Variants in SH3GL2 observed in about 807,000 individuals in gnomAD.
SH3GL2 encodes the protein endophilin-A1.
A neutral mutation model predicts 46.0 loss-of-function variants in SH3GL2; 24 were observed. The observed-to-expected ratio is 0.52, with a 90% CI of 0.38 to 0.73. The LOEUF is 0.73. SH3GL2 is among the 30% of genes least tolerant of loss of function. The probability of loss-of-function intolerance (pLI) is 0.00; values close to 1 mark genes in which losing one functional copy is unlikely to be tolerated. For missense variants in SH3GL2, 413 were observed against 424.2 expected, an observed-to-expected ratio of 0.97 and a Z score of 0.23; for synonymous variants, 196 against 147.1, an observed-to-expected ratio of 1.33 and a Z score of -2.40.
At chr9:17,610,092 T>C (rs1818832177) in intron 1 of SH3GL2, among the ~76,000 whole-genome samples, 1 of 152,238 alleles carries the variant, frequency 6.6e-6, no homozygotes, top group Non-Finnish European at 1.5e-5. Flanking sequence ...TCTGTGAGTC[T>C]GGATTTGAAT....
At chr9:17,629,110 A>C (rs1819362015) in intron 1 of SH3GL2, among the ~76,000 whole-genome samples, 1 of 151,568 alleles carries the variant, frequency 6.6e-6, no homozygotes, top group Non-Finnish European at 1.5e-5. Flanking sequence ...GATTGCGTGG[A>C]GTTTGGTTGG....
intron 1 of SH3GL2, among the ~76,000 whole-genome samples, chr9:17,606,159 C>G (rs1818757635): frequency 6.6e-6 from 1 of 152,136 alleles, no homozygotes; most frequent in Non-Finnish European, 1.5e-5. Context: ...ATGGCGTGAT[C>G]TCAGCTCACT....
chr9:17,637,775 A>G (rs1819575239), intron 1 of SH3GL2, among the ~76,000 whole-genome samples: 1 of 152,240 alleles, frequency 6.6e-6, no homozygotes, highest in Non-Finnish European at 1.5e-5. Flanking sequence ...GCACGTAATG[A>G]AGTGCCTAGC....
intron 2 of SH3GL2, among the ~76,000 whole-genome samples, chr9:17,756,003 A>C (rs1482795183): frequency 6.6e-6 from 1 of 152,090 alleles, no homozygotes; most frequent in Admixed American, 6.5e-5. Context: ...CACAGGAATC[A>C]AGATTTTTTT....
At chr9:17,769,323 C>G (rs1449285449) in intron 3 of SH3GL2, among the ~76,000 whole-genome samples, 2 of 152,154 alleles carry the variant, frequency 1.3e-5, no homozygotes, top group African/African-American at 4.8e-5. Flanking sequence ...TTTTATTGCA[C>G]TTTTCATAAT....
At chr9:17,789,756 A>G (rs576032832) in intron 6 of SH3GL2, 1 of 984,012 alleles carries the variant, frequency 1.0e-6, no homozygotes, top group Admixed American at 6.1e-5. Context: ...TAGTTTAACT[A>G]GATTCTCGAC....
intron 1 of SH3GL2, among the ~76,000 whole-genome samples, chr9:17,607,425 TG>T (rs1421852844): frequency 4.6e-5 from 7 of 152,214 alleles, no homozygotes; most frequent in African/African-American, 1.7e-4. Context: ...GAATGGGGCT[TG>T]TAGGACTGGA....
intron 2 of SH3GL2, among the ~76,000 whole-genome samples, chr9:17,750,289 C>T (rs1822806091): frequency 6.6e-6 from 1 of 151,646 alleles, no homozygotes; most frequent in Non-Finnish European, 1.5e-5. Context: ...GGTAGAGAGA[C>T]CTTTGCTCAT....
chr9:17,622,976 G>GTTTCCTTTCCTTTCC (rs1554631073), intron 1 of SH3GL2, among the ~76,000 whole-genome samples: 17 of 78,738 alleles, frequency 2.2e-4, no homozygotes, highest in Admixed American at 5.7e-4. Flanking sequence ...TTTTCCTTTC[G>GTTTCCTTTCCTTTCC]TTTCCTTTCG....
chr9:17,632,229 A>G (rs1435924937), intron 1 of SH3GL2, among the ~76,000 whole-genome samples: 1 of 152,236 alleles, frequency 6.6e-6, no homozygotes, highest in Non-Finnish European at 1.5e-5. Context: ...AAATACTACA[A>G]AGAAGTTGGT....
At chr9:17,658,143 C>T (rs1207341215) in intron 1 of SH3GL2, among the ~76,000 whole-genome samples, 1 of 152,138 alleles carries the variant, frequency 6.6e-6, no homozygotes, top group Non-Finnish European at 1.5e-5. Context: ...TCTTTAGTTG[C>T]AGAAAGTCAG....
chr9:17,582,458 GT>G, intron 1 of SH3GL2, among the ~76,000 whole-genome samples: 1 of 152,046 alleles, frequency 6.6e-6, no homozygotes, highest in Non-Finnish European at 1.5e-5. Flanking sequence ...AGTCATGTCA[GT>G]TTTTTTACAC....
intron 3 of SH3GL2, among the ~76,000 whole-genome samples, chr9:17,778,186 C>A (rs1328488468): frequency 1.3e-5 from 2 of 152,126 alleles, no homozygotes; most frequent in Admixed American, 6.6e-5. Flanking sequence ...ATAAACCCAG[C>A]AAGGTAGCTT....
chr9:17,601,257 AT>A (rs112331317), intron 1 of SH3GL2, among the ~76,000 whole-genome samples: 2,015 of 148,536 alleles, frequency 0.014, 50 homozygotes, highest in African/African-American at 0.046. Context: ...TTTGGAATCA[AT>A]TTTTTTTTTT....
In SH3GL2 at chr9:17,741,379, A is replaced by G. The variant is rs556096107; in HGVS notation, c.46-5687A>G. 5.6e-4 allele frequency among the ~76,000 whole-genome samples: 85 copies of G among 152,322 alleles called. 2 individuals carry two copies. The South Asian group carries it at 0.017, about 30-fold the overall frequency. The stretch of plus-strand genomic sequence containing the variant: ...AGACGGTAGCAAGATTAAGAAAATA[A>G]TTAGGTCATTAATACTAATTGCAGT... On this transcript the variant is annotated intron_variant, in intron 1 of 8. Coordinates refer to ENST00000380607, the MANE Select transcript of SH3GL2 (RefSeq NM_003026.5).
chr9:17,788,970 G>T (rs1468519707), intron 5 of SH3GL2, among the ~76,000 whole-genome samples: 1 of 152,176 alleles, frequency 6.6e-6, no homozygotes, highest in African/African-American at 2.4e-5. Flanking sequence ...TAATTTCAAG[G>T]AAAGAGTTTT....
rs1823959117 is a variant in SH3GL2 at position 17,786,422 on chromosome 9, A to G, written c.229A>G (p.Ile77Val). The change falls in exon 4 of 9, where the codon ATC becomes GTC. Residue 77 changes from isoleucine to valine, a missense_variant. Ile to Val is a conservative substitution (Grantham distance 29). Transcript: ENST00000380607. ...KLSMINTMSK[I>V]RGQEKGPGYP... ...CAGCATGATCAACACCATGTCAAAAATCCGTGGCCAGGAGAAGGGGCCAGG... is the reference window on the plus strand; with the variant it reads ...CAGCATGATCAACACCATGTCAAAAGTCCGTGGCCAGGAGAAGGGGCCAGG... The G allele has an allele frequency of 6.2e-7, 1 of 1,613,248 alleles. No individual in the cohort carries two copies.
chr9:17,706,746 A>G (rs1308682256), intron 1 of SH3GL2, among the ~76,000 whole-genome samples: 3 of 151,828 alleles, frequency 2.0e-5, no homozygotes, highest in Non-Finnish European at 4.4e-5. Context: ...AGAGTTTTGG[A>G]TCTTCCTTGC....
At chr9:17,659,849 A>G (rs1438426205) in intron 1 of SH3GL2, among the ~76,000 whole-genome samples, 1 of 152,188 alleles carries the variant, frequency 6.6e-6, no homozygotes, top group Non-Finnish European at 1.5e-5. Flanking sequence ...TCACCATTAA[A>G]ATGGGAAGAC....
Sources: gnomAD v4.1 joint callset for allele counts (sites outside exome capture counted in the v4.1 genomes callset) on GRCh38, gnomAD v4.1.1 for gene constraint, MANE v1.5 for transcripts, NCBI Gene and HGNC (gene_info 2026-07-23, HGNC 2026-07-21) for gene names.